Variants in EGFR observed in about 807,000 individuals in gnomAD.
EGFR encodes epidermal growth factor receptor.
A neutral mutation model predicts 143.0 loss-of-function variants in EGFR; 58 were observed. That is an observed-to-expected ratio of 0.41 (90% CI 0.33 to 0.50). The LOEUF (loss-of-function observed/expected upper bound fraction) is 0.50. Among genes scored for constraint, EGFR ranks in the 20% least tolerant of loss-of-function variants. The probability of loss-of-function intolerance (pLI) is 0.39; values close to 1 mark genes in which losing one functional copy is unlikely to be tolerated. For synonymous variants in EGFR, 613 were observed against 594.4 expected (o/e 1.03, Z -0.45); for missense variants, 1,307 against 1,579.0 (o/e 0.83, Z 2.92).
At chr7:55,149,805 T>C (rs1290422483) in intron 4 of EGFR, among the ~76,000 whole-genome samples, 6 of 152,226 alleles carry the variant, frequency 3.9e-5, no homozygotes, top group Non-Finnish European at 1.5e-5. Flanking sequence ...AGAGATTGGT[T>C]GAAAAAATTA....
At chr7:55,174,873 C>T (rs2128955021) in intron 19 of EGFR, 53 bp downstream of exon 19, 3 of 1,417,694 alleles carry the variant, frequency 2.1e-6, no homozygotes, top group Non-Finnish European at 2.0e-6. Context: ...CTCAGGCCCA[C>T]CTTTTCTCAT....
At chr7:55,119,696 T>G (rs1793082449) in intron 1 of EGFR, among the ~76,000 whole-genome samples, 1 of 152,212 alleles carries the variant, frequency 6.6e-6, no homozygotes, top group Non-Finnish European at 1.5e-5. Context: ...GACAATACGG[T>G]CCTATGCTTT....
At chr7:55,113,681 A>G (rs1312304535) in intron 1 of EGFR, among the ~76,000 whole-genome samples, 1 of 152,204 alleles carries the variant, frequency 6.6e-6, no homozygotes. Context: ...TTTGTTCAAC[A>G]CTCTTGCCCT....
intron 1 of EGFR, among the ~76,000 whole-genome samples, chr7:55,043,540 T>G (rs1429155845): frequency 6.6e-6 from 1 of 152,172 alleles, no homozygotes; most frequent in Non-Finnish European, 1.5e-5. Flanking sequence ...TTTTGCATTT[T>G]TAGTAGAGAC....
At chr7:55,156,472 T>A (rs2128937997) in intron 8 of EGFR, 61 bp from the exon 9 acceptor site, 1 of 1,610,058 alleles carries the variant, frequency 6.2e-7, no homozygotes, top group African/African-American at 1.3e-5. Context: ...TGCCTGTGGA[T>A]CCCTAGCTAT....
chr7:55,147,313 C>T (rs1794818512), intron 4 of EGFR, among the ~76,000 whole-genome samples: 1 of 152,210 alleles, frequency 6.6e-6, no homozygotes, highest in African/African-American at 2.4e-5. Context: ...CGCAGGTCAG[C>T]GTGGCGCCCT....
At chr7:55,054,951 T>G (rs17289057) in intron 1 of EGFR, among the ~76,000 whole-genome samples, 4 of 152,170 alleles carry the variant, frequency 2.6e-5, no homozygotes, top group Admixed American at 2.6e-4. Context: ...CCAAGCTCCG[T>G]GTGGCGAGAT....
At chr7:55,201,831 C>T in intron 26 of EGFR, 49 bp downstream of exon 26, 1 of 1,586,016 alleles carries the variant, frequency 6.3e-7, no homozygotes, top group Admixed American at 1.7e-5. Context: ...TCCACTATGG[C>T]TCTATTTTAC....
At chr7:55,188,228 A>C (rs1787228223) in intron 20 of EGFR, among the ~76,000 whole-genome samples, 1 of 152,134 alleles carries the variant, frequency 6.6e-6, no homozygotes, top group African/African-American at 2.4e-5. Context: ...CTTCCTTCCT[A>C]AGTCACTGCT....
At chr7:55,085,679 AGTGCGTG>A (rs1790711622) in intron 1 of EGFR, among the ~76,000 whole-genome samples, 1 of 152,250 alleles carries the variant, frequency 6.6e-6, no homozygotes, top group African/African-American at 2.4e-5. Flanking sequence ...TAAAGTCAGT[AGTGCGTG>A]GTGGAATTCT....
At position 55,208,582 on chromosome 7, in the gene EGFR, T is replaced by C. The variant is rs1200109260; in HGVS notation, c.*2965T>C. ...CTAAGGAGCTCCTCTAATTACACCA[T>C]GCCCGTCACCCCATGAGGGATCAGA... is the stretch of plus-strand genomic sequence containing the variant. On this transcript the variant is annotated 3_prime_UTR_variant, in exon 28 of 28. Coordinates refer to ENST00000275493, the MANE Select transcript of EGFR (RefSeq NM_005228.5). 1 of 152,112 alleles carries C rather than the reference T, an allele frequency of 6.6e-6. No homozygotes were observed. Among genetic ancestry groups the C allele is most frequent in the African/African-American group, 2.4e-5 (1 of 41,444 alleles). The allele number at this position is 152,112 out of a possible 1,614,324, so 9.4% of individuals were successfully genotyped here. A position where few individuals can be genotyped will look rare whatever the true frequency, so the allele number is the denominator to read the frequency against.
At chr7:55,201,976 G>A (rs199673214) in intron 26 of EGFR, among the ~76,000 whole-genome samples, 194 bp downstream of exon 26, 1 of 31,752 alleles carries the variant, frequency 3.1e-5, no homozygotes, top group Non-Finnish European at 5.6e-5. Flanking sequence ...TAGTAGCATC[G>A]CCTGGCCTTG....
intron 26 of EGFR, 87 bp from the exon 27 acceptor site, chr7:55,202,430 A>G: frequency 8.7e-7 from 1 of 1,148,394 alleles, no homozygotes; most frequent in South Asian, 1.3e-5. Flanking sequence ...CAGAACCAGC[A>G]TCTCAAGGAG....
At chr7:55,020,382 G>A (rs1373145280) in intron 1 of EGFR, among the ~76,000 whole-genome samples, 2 of 152,364 alleles carry the variant, frequency 1.3e-5, no homozygotes, top group South Asian at 2.1e-4. Context: ...ACTGCAGGGG[G>A]GGATCGCGGG....
At chr7:55,167,693 T>C (rs888156820) in intron 15 of EGFR, among the ~76,000 whole-genome samples, 1 of 152,064 alleles carries the variant, frequency 6.6e-6, no homozygotes, top group African/African-American at 2.4e-5. Context: ...GTCACGGTGG[T>C]GGCGATGATG....
intron 1 of EGFR, among the ~76,000 whole-genome samples, chr7:55,130,175 G>A (rs1793753946): frequency 6.6e-6 from 1 of 152,144 alleles, no homozygotes; most frequent in Admixed American, 6.5e-5. Context: ...ATTCAGGCCT[G>A]GGGCAGTAAA....
chr7:55,166,300 T>C, intron 15 of EGFR: 2 of 576,602 alleles, frequency 3.5e-6, no homozygotes, highest in Non-Finnish European at 6.7e-6. Flanking sequence ...TGTCATATAG[T>C]AGTTCACACT....
At chr7:55,164,486 T>A (rs181323275) in intron 14 of EGFR, among the ~76,000 whole-genome samples, 1 of 152,354 alleles carries the variant, frequency 6.6e-6, no homozygotes, top group East Asian at 1.9e-4. Flanking sequence ...AGGGATAGGC[T>A]GCCAGCGTGG....
intron 1 of EGFR, among the ~76,000 whole-genome samples, chr7:55,035,623 T>G (rs972106825): frequency 6.6e-6 from 1 of 150,826 alleles, no homozygotes; most frequent in Non-Finnish European, 1.5e-5. Flanking sequence ...AAGCAGAGGT[T>G]GCAGTGAGCA....
Sources: allele counts gnomAD v4.1 joint callset (sites outside exome capture counted in the v4.1 genomes callset), GRCh38; gene constraint gnomAD v4.1.1; transcripts MANE v1.5; gene names NCBI Gene and HGNC (gene_info 2026-07-23, HGNC 2026-07-21).